Variants in MAK observed in about 807,000 individuals in gnomAD.
MAK encodes male germ cell associated kinase.
In MAK, 65 loss-of-function variants were observed where a neutral mutation model predicts 82.6. The ratio of observed to expected loss-of-function variants is 0.79; its 90% CI spans 0.64 to 0.97. The LOEUF is 0.97. Among genes scored for constraint, MAK ranks in the 50% least tolerant of loss-of-function variants. MAK has a pLI of 0.00. For synonymous variants in MAK, 250 were observed against 274.2 expected (o/e 0.91, Z 0.87); for missense variants, 703 against 780.2 (o/e 0.90, Z 1.18).
At chr6:10,803,234 G>A (rs1396402573) in intron 7 of MAK, among the ~76,000 whole-genome samples, 9 of 152,026 alleles carry the variant, frequency 5.9e-5, no homozygotes. Context: ...AACCCACTCC[G>A]ATTAAAAAAA....
At chr6:10,809,575 G>A (rs1776760742) in intron 5 of MAK, among the ~76,000 whole-genome samples, 3 of 152,130 alleles carry the variant, frequency 2.0e-5, no homozygotes, top group Admixed American at 6.5e-5. Context: ...TTGAGTCAGT[G>A]CAGCTGACTT....
intron 11 of MAK, among the ~76,000 whole-genome samples, chr6:10,780,533 C>T (rs1262117701): frequency 2.0e-5 from 3 of 147,890 alleles, no homozygotes; most frequent in Non-Finnish European, 4.4e-5. Context: ...CAGCTCACTG[C>T]AGCCTCCACC....
chr6:10,798,805 TA>T (rs1400243998), intron 8 of MAK, among the ~76,000 whole-genome samples: 1 of 102,022 alleles, frequency 9.8e-6, no homozygotes, highest in Non-Finnish European at 2.0e-5. Flanking sequence ...AAACATTATT[TA>T]TTTATTTATT....
chr6:10,819,766 A>G (rs1448709539), intron 2 of MAK, among the ~76,000 whole-genome samples: 1 of 152,082 alleles, frequency 6.6e-6, no homozygotes. Flanking sequence ...TTATATGAAC[A>G]TGTGTTTTTA....
At chr6:10,805,439 T>C (rs1163276582) in intron 6 of MAK, among the ~76,000 whole-genome samples, 1 of 151,738 alleles carries the variant, frequency 6.6e-6, no homozygotes, top group Non-Finnish European at 1.5e-5. Flanking sequence ...TACAAAAACT[T>C]AGCTGGGTGT....
At position 10,784,416 on chromosome 6, in the gene MAK, C is replaced by G. The variant is rs777764532; in HGVS notation, c.1465+8G>C. 4 of 1,614,068 alleles carry G rather than the reference C, an allele frequency of 2.5e-6. No individual in the cohort carries two copies. Among genetic ancestry groups the G allele is most frequent in the Non-Finnish European group, 2.5e-6 (3 of 1,179,958 alleles). On this transcript the variant is annotated splice_region_variant and intron_variant, in intron 11 of 14. Transcript: ENST00000354489. ...GTTAGCAGCAAACATTTTCTTTGCT[C>G]TACTTACCTGGAAGATATCTTGATT...
chr6:10,781,909 G>A lies in MAK; in HGVS notation c.1465+2515C>T, dbSNP rs542097058. Among the ~76,000 whole-genome samples the A allele has an allele frequency of 8.6e-5, 13 of 151,672 alleles. No homozygotes were observed. In the South Asian group the frequency reaches 1.3e-3, roughly 15 times the overall value. ...CTAAAAATGTGCTTACATCAACAACGACAAAAAATATTATAGGGCTGGGTG... is the reference window on the plus strand; with the variant it reads ...CTAAAAATGTGCTTACATCAACAACAACAAAAAATATTATAGGGCTGGGTG... On this transcript the variant is annotated intron_variant, in intron 11 of 14. Transcript: ENST00000354489.
Position 10,818,960 on chromosome 6 carries a change from G to C in MAK, c.102-20C>G. ...TTCATCCTAAAATAAATTAGGGAAA[G>C]TTTAGTGTTCAGGGATTGAGGATTC... On this transcript the variant is annotated intron_variant, in intron 2 of 14. Transcript: ENST00000354489. 4.2e-6 allele frequency: 6 copies of C among 1,419,910 alleles called. No homozygotes were observed. The highest frequency in any genetic ancestry group is 5.0e-6 in the Non-Finnish European group (5 of 1,006,322). The allele number at this position is 1,419,910 out of a possible 1,614,324, so 88.0% of individuals were successfully genotyped here.
In MAK at chr6:10,763,444, G is replaced by A; in HGVS notation, c.*1008C>T. 6.6e-6 allele frequency: 1 copy of A among 151,666 alleles called. No individual in the cohort carries two copies. The allele number at this position is 151,666 out of a possible 1,614,324, so 9.4% of individuals were successfully genotyped here. On this transcript the variant is annotated 3_prime_UTR_variant, in exon 15 of 15. Transcript: ENST00000354489. ...AGCCATTGGGCTTGATTGTCACCTT[G>A]AATTCATGGGAACTGTACTGGTCAA...
chr6:10,772,247 A>G (rs935374258), intron 13 of MAK, among the ~76,000 whole-genome samples: 5 of 152,186 alleles, frequency 3.3e-5, no homozygotes, highest in African/African-American at 1.2e-4. Context: ...GTGAATTTTC[A>G]GATTGCAGCC....
At chr6:10,784,385 A>C in intron 11 of MAK, 39 bp downstream of exon 11, 1 of 1,610,136 alleles carries the variant, frequency 6.2e-7, no homozygotes, top group Non-Finnish European at 8.5e-7. Context: ...ACCTATCTAT[A>C]CTCTAGTTAG....
chr6:10,834,046 T>G (rs1395891172), intron 1 of MAK, among the ~76,000 whole-genome samples: 1 of 152,256 alleles, frequency 6.6e-6, no homozygotes. Flanking sequence ...TGGGTTGTTT[T>G]GTTTTGTACT....
intron 2 of MAK, among the ~76,000 whole-genome samples, chr6:10,819,589 G>A (rs749662055): frequency 3.9e-5 from 6 of 152,054 alleles, no homozygotes; most frequent in African/African-American, 7.2e-5. Flanking sequence ...CCAAGATTGC[G>A]CCACTGCACT....
At chr6:10,818,555 A>G (rs1006589596) in intron 3 of MAK, among the ~76,000 whole-genome samples, 6 of 151,190 alleles carry the variant, frequency 4.0e-5, no homozygotes, top group African/African-American at 1.5e-4. Context: ...TGGAGGTTGC[A>G]GTGAGCTGAG....
At chr6:10,772,550 G>T (rs925393967) in intron 13 of MAK, among the ~76,000 whole-genome samples, 1 of 151,826 alleles carries the variant, frequency 6.6e-6, no homozygotes, top group Non-Finnish European at 1.5e-5. Flanking sequence ...TCATCATGTT[G>T]GCCAGGATGG....
chr6:10,805,081 T>TGGGGGGGGGGGGGGGG (rs1776317786), intron 6 of MAK, among the ~76,000 whole-genome samples: 1 of 47,452 alleles, frequency 2.1e-5, no homozygotes, highest in Non-Finnish European at 4.3e-5. Flanking sequence ...GGGGGGGGGG[T>TGGGGGGGGGGGGGGGG]GGGGAGGGGG....
chr6:10,822,042 G>A (rs529802827), intron 2 of MAK, among the ~76,000 whole-genome samples: 1 of 151,006 alleles, frequency 6.6e-6, no homozygotes, highest in Non-Finnish European at 1.5e-5. Context: ...AGCTACTTGG[G>A]AGGCTGAGGC....
intron 11 of MAK, among the ~76,000 whole-genome samples, chr6:10,782,202 TCACA>T (rs746386493): frequency 0.018 from 2,617 of 146,060 alleles, 42 homozygotes; most frequent in African/African-American, 0.031. Flanking sequence ...TGAAACTCTG[TCACA>T]CACACACACA....
intron 2 of MAK, among the ~76,000 whole-genome samples, chr6:10,824,533 C>T (rs1778212011): frequency 6.6e-6 from 1 of 150,900 alleles, no homozygotes; most frequent in Non-Finnish European, 1.5e-5. Flanking sequence ...TCCCACCGTT[C>T]CACTGCTCCT....
Sources: gnomAD v4.1 joint callset for allele counts (sites outside exome capture counted in the v4.1 genomes callset) on GRCh38, gnomAD v4.1.1 for gene constraint, MANE v1.5 for transcripts, NCBI Gene and HGNC (gene_info 2026-07-23, HGNC 2026-07-21) for gene names.